UBE2D2: variants seen among roughly 807,000 people sequenced by gnomAD.
UBE2D2 encodes ubiquitin conjugating enzyme E2 D2.
A neutral mutation model predicts 24.2 loss-of-function variants in UBE2D2; 2 were observed. That is an observed-to-expected ratio of 0.08 (90% confidence interval 0.03 to 0.26). The LOEUF is 0.26. Ranked by LOEUF, UBE2D2 falls within the 10% of genes least tolerant of loss-of-function variation. The pLI is 1.00. For missense variants in UBE2D2, 44 were observed against 177.6 expected, an observed-to-expected ratio of 0.25 and a Z score of 4.28; for synonymous variants, 58 against 56.5, an observed-to-expected ratio of 1.03 and a Z score of -0.12.
intron 1 of UBE2D2, among the ~76,000 whole-genome samples, chr5:139,530,210 C>T (rs1752584442): frequency 6.6e-6 from 1 of 152,138 alleles, no homozygotes; most frequent in South Asian, 2.1e-4. Flanking sequence ...TTGGGCCCAC[C>T]CAGAATTCCA....
intron 6 of UBE2D2, among the ~76,000 whole-genome samples, chr5:139,626,199 G>A (rs1298514638): frequency 3.3e-5 from 5 of 151,934 alleles, no homozygotes; most frequent in African/African-American, 1.2e-4. Flanking sequence ...CTCCTGAGTA[G>A]CTGGGACTAT....
intron 1 of UBE2D2, among the ~76,000 whole-genome samples, chr5:139,532,375 G>A (rs1752608549): frequency 7.0e-6 from 1 of 143,156 alleles, no homozygotes; most frequent in African/African-American, 2.6e-5. Context: ...TTTCTGAGAT[G>A]GAGTCTCATT....
chr5:139,606,230 C>T (rs1244985414), intron 2 of UBE2D2, among the ~76,000 whole-genome samples: 2 of 152,062 alleles, frequency 1.3e-5, no homozygotes, highest in East Asian at 1.9e-4. Context: ...GGCGCAATCT[C>T]GGCTCACTGA....
intron 1 of UBE2D2, among the ~76,000 whole-genome samples, chr5:139,563,612 T>C (rs1753156561): frequency 6.6e-6 from 1 of 152,056 alleles, no homozygotes; most frequent in Non-Finnish European, 1.5e-5. Flanking sequence ...AGCAAGTGGG[T>C]ATAATGTGTA....
At chr5:139,568,013 A>G (rs1753272218) in intron 1 of UBE2D2, among the ~76,000 whole-genome samples, 2 of 152,206 alleles carry the variant, frequency 1.3e-5, no homozygotes, top group African/African-American at 4.8e-5. Flanking sequence ...GATCTTAAAG[A>G]AAGTAGTTGT....
chr5:139,594,585 T>A (rs1381779322), intron 1 of UBE2D2, among the ~76,000 whole-genome samples: 1 of 152,072 alleles, frequency 6.6e-6, no homozygotes. Flanking sequence ...GACTAATTTT[T>A]GTATTTTTAG....
At chr5:139,594,846 A>G (rs1334821730) in intron 1 of UBE2D2, among the ~76,000 whole-genome samples, 1 of 152,182 alleles carries the variant, frequency 6.6e-6, no homozygotes, top group Non-Finnish European at 1.5e-5. Flanking sequence ...AGGTCCTTCC[A>G]TGGATACCAA....
Position 139,561,821 on chromosome 5 carries a change from C to G in UBE2D2, c.24+6C>G. The G allele has an allele frequency of 6.7e-7, 1 of 1,498,212 alleles. No individual in the cohort carries two copies. The highest frequency in any genetic ancestry group is 8.9e-7 in the Non-Finnish European group (1 of 1,129,332). The allele number at this position is 1,498,212 out of a possible 1,614,324, so 92.8% of individuals were successfully genotyped here. A position where few individuals can be genotyped will look rare whatever the true frequency, so the allele number is the denominator to read the frequency against. On this transcript the variant is annotated splice_donor_region_variant and intron_variant, in intron 1 of 6. Coordinates refer to ENST00000398733, the MANE Select transcript of UBE2D2 (RefSeq NM_003339.3). The stretch of plus-strand genomic sequence containing the variant: ...CTCTGAAGAGAATCCACAAGGTAAG[C>G]GGCCGGAGGTCGGCTGCGCTGCTGG...
rs114120183 is a variant in UBE2D2 at position 139,543,554 on chromosome 5, G to A, written c.-64+16942G>A. ...GCCGGAGGGCGCCAGCTGCCCCGGC[G>A]ACGACACGGGGGACCGGACGGAGCC... On this transcript the variant is annotated intron_variant, in intron 1 of 6. Coordinates refer to the UBE2D2 transcript ENST00000511725. 4.6e-3 allele frequency among the ~76,000 whole-genome samples: 695 copies of A among 152,340 alleles called. 4 individuals are homozygous for A. The highest frequency in any genetic ancestry group is 0.016 in the African/African-American group (649 of 41,578).
chr5:139,621,429 C>T (rs996817659), intron 5 of UBE2D2, among the ~76,000 whole-genome samples: 1 of 152,168 alleles, frequency 6.6e-6, no homozygotes, highest in Admixed American at 6.5e-5. Context: ...ATGTTGTATT[C>T]TCTGTAATGA....
intron 2 of UBE2D2, 122 bp downstream of exon 2, chr5:139,600,557 C>A: frequency 1.2e-6 from 1 of 842,930 alleles, no homozygotes; most frequent in Non-Finnish European, 1.9e-6. Flanking sequence ...GGGAGCAACT[C>A]TATGTTCATC....
rs758497521 is a variant in UBE2D2 at position 139,627,168 on chromosome 5, C to T, written c.*367C>T. On this transcript the variant is annotated 3_prime_UTR_variant, in exon 7 of 7. Coordinates refer to ENST00000398733, the MANE Select transcript of UBE2D2 (RefSeq NM_003339.3). The stretch of plus-strand genomic sequence containing the variant: ...ATGGGAAAGAAAAGGCTCCACTCAC[C>T]TATAGGAGATTATTTTTAAGTGGAA... 7.1e-5 allele frequency: 12 copies of T among 169,794 alleles called. No individual in the cohort carries two copies. Among genetic ancestry groups the T allele is most frequent in the Non-Finnish European group, 1.3e-4 (10 of 79,686 alleles). The allele number at this position is 169,794 out of a possible 1,614,324, so 10.5% of individuals were successfully genotyped here.
At chr5:139,596,380 G>A (rs947903946) in intron 1 of UBE2D2, among the ~76,000 whole-genome samples, 7 of 151,544 alleles carry the variant, frequency 4.6e-5, no homozygotes, top group South Asian at 2.1e-4. Context: ...TGCAACCTCC[G>A]CCTCCTGGGT....
At chr5:139,572,496 C>A (rs1390646440) in intron 1 of UBE2D2, among the ~76,000 whole-genome samples, 2 of 151,842 alleles carry the variant, frequency 1.3e-5, no homozygotes, top group Non-Finnish European at 1.5e-5. Flanking sequence ...CTCAAAAGGC[C>A]AAGACAGGAG....
chr5:139,583,005 C>T (rs372164424), intron 1 of UBE2D2, among the ~76,000 whole-genome samples: 130 of 139,766 alleles, frequency 9.3e-4, no homozygotes, highest in African/African-American at 3.0e-3. Flanking sequence ...GACGGCGTCT[C>T]GCTTTGTCGC....
chr5:139,530,492 A>G (rs1172747865), intron 1 of UBE2D2, among the ~76,000 whole-genome samples: 3 of 152,228 alleles, frequency 2.0e-5, no homozygotes, highest in Admixed American at 6.5e-5. Flanking sequence ...AAGAAGGCTC[A>G]TGAGGATATC....
At chr5:139,598,665 T>C (rs764484486) in intron 1 of UBE2D2, among the ~76,000 whole-genome samples, 1 of 142,800 alleles carries the variant, frequency 7.0e-6, no homozygotes, top group Non-Finnish European at 1.5e-5. Context: ...GGTTCAAGCA[T>C]TACTTCTGCC....
At chr5:139,532,174 T>C (rs979379764) in intron 1 of UBE2D2, among the ~76,000 whole-genome samples, 3 of 118,560 alleles carry the variant, frequency 2.5e-5, no homozygotes, top group Non-Finnish European at 5.4e-5. Flanking sequence ...TTTATTCTAC[T>C]TTTTTTTTTT....
upstream of UBE2D2, among the ~76,000 whole-genome samples, chr5:139,560,506 AT>A (rs1186751005): frequency 1.3e-5 from 2 of 151,496 alleles, no homozygotes; most frequent in Non-Finnish European, 2.9e-5. Flanking sequence ...TAATTTTTGT[AT>A]TTTTAGTAGA....
Sources: gnomAD v4.1 joint callset for allele counts (sites outside exome capture counted in the v4.1 genomes callset) on GRCh38, gnomAD v4.1.1 for gene constraint, MANE v1.5 for transcripts, NCBI Gene and HGNC (gene_info 2026-07-23, HGNC 2026-07-21) for gene names.